INSYN2A: variants seen among roughly 807,000 people sequenced by gnomAD.
INSYN2A encodes the protein inhibitory synaptic factor 2A.
INSYN2A carries 17 observed loss-of-function variants against 39.4 expected under a neutral mutation model. That is an observed-to-expected ratio of 0.43 (90% CI 0.30 to 0.65). The LOEUF (loss-of-function observed/expected upper bound fraction) is 0.65. Among genes scored for constraint, INSYN2A ranks in the 30% least tolerant of loss-of-function variants. The pLI is 0.14. For missense variants in INSYN2A, 595 were observed against 631.2 expected (o/e 0.94, Z 0.61); for synonymous variants, 255 against 265.7 (o/e 0.96, Z 0.39).
At chr10:127,179,204 C>A (rs2055478654) in intron 2 of INSYN2A, among the ~76,000 whole-genome samples, 1 of 152,194 alleles carries the variant, frequency 6.6e-6, no homozygotes, top group South Asian at 2.1e-4. Context: ...AATTTTCTTA[C>A]ATCAGTTGGC....
intron 4 of INSYN2A, among the ~76,000 whole-genome samples, chr10:127,173,348 G>A (rs7916731): frequency 0.68 from 103,713 of 152,048 alleles, 35,647 homozygotes; most frequent in East Asian, 0.86. Flanking sequence ...ACCCAGACAT[G>A]TCTTAGTAAA....
At chr10:127,153,151 G>GC (rs1215712079) in intron 5 of INSYN2A, among the ~76,000 whole-genome samples, 1 of 152,090 alleles carries the variant, frequency 6.6e-6, no homozygotes, top group Admixed American at 6.5e-5. Context: ...ATTTCTCACC[G>GC]CTTTTATATT....
At chr10:127,153,651 G>C (rs959121780) in intron 5 of INSYN2A, among the ~76,000 whole-genome samples, 2 of 152,156 alleles carry the variant, frequency 1.3e-5, no homozygotes, top group Non-Finnish European at 2.9e-5. Context: ...AAGATAAATG[G>C]GTTCAAGCTC....
chr10:127,190,682 C>CCCCCCCCCCCCG (rs1554912109), intron 2 of INSYN2A, among the ~76,000 whole-genome samples: 1 of 43,690 alleles, frequency 2.3e-5, no homozygotes, highest in Non-Finnish European at 4.9e-5. Context: ...CCCCCCCCCC[C>CCCCCCCCCCCCG]CGTTCCTGCT....
At chr10:127,189,869 A>C (rs2134078284) in intron 2 of INSYN2A, among the ~76,000 whole-genome samples, 1 of 150,658 alleles carries the variant, frequency 6.6e-6, no homozygotes, top group African/African-American at 2.5e-5. Context: ...TTGATTTTTA[A>C]AATGATAAAT....
intron 2 of INSYN2A, among the ~76,000 whole-genome samples, chr10:127,184,893 C>T (rs988120163): frequency 6.6e-6 from 1 of 152,204 alleles, no homozygotes; most frequent in Non-Finnish European, 1.5e-5. Flanking sequence ...ACAGTGCATG[C>T]CTGGGGTGAC....
Position 127,175,172 on chromosome 10 carries a change from A to T in INSYN2A, c.1184+40T>A. 1 of 1,530,456 alleles carries T rather than the reference A, an allele frequency of 6.5e-7. No homozygotes were observed. The highest frequency in any genetic ancestry group is 1.2e-5 in the South Asian group (1 of 81,654). The allele number at this position is 1,530,456 out of a possible 1,614,324, so 94.8% of individuals were successfully genotyped here. A position where few individuals can be genotyped will look rare whatever the true frequency, so the allele number is the denominator to read the frequency against. On this transcript the variant is annotated intron_variant, in intron 4 of 5. Coordinates refer to ENST00000522781, the MANE Select transcript of INSYN2A (RefSeq NM_001039762.3). The surrounding 1 kb of genome is among the most constrained non-coding windows in gnomAD (Gnocchi z 6.3). ...GCTACAGATGGACTCTGTGGTGATC[A>T]GCCTGCATAGCTTCCTAAGACATGG...
rs1350188103 is a variant in INSYN2A, at chr10:127,196,395, C to T, written c.-793G>A. ...CGCGCTCCTCCGATGTCCTCATTTA[C>T]TGCAATTGTCTTCGGCGAGATCTCA... On this transcript the variant is annotated 5_prime_UTR_variant, in exon 1 of 6. Transcript: ENST00000522781. Among the ~76,000 whole-genome samples the T allele has an allele frequency of 6.7e-6, 1 of 148,730 alleles. No individual in the cohort carries two copies. The highest frequency in any genetic ancestry group is 1.5e-5 in the Non-Finnish European group (1 of 66,750).
intron 2 of INSYN2A, among the ~76,000 whole-genome samples, chr10:127,178,134 C>T (rs1346073294): frequency 6.6e-6 from 1 of 152,208 alleles, no homozygotes; most frequent in Non-Finnish European, 1.5e-5. Context: ...AAGTAAGTGA[C>T]ATGACTAGCC....
intron 4 of INSYN2A, among the ~76,000 whole-genome samples, chr10:127,173,056 C>T (rs1339348686): frequency 1.3e-5 from 2 of 152,096 alleles, no homozygotes; most frequent in African/African-American, 2.4e-5. Context: ...GCCTGTGTGC[C>T]GGGCATATAG....
At chr10:127,183,583 G>A (rs988735633) in intron 2 of INSYN2A, among the ~76,000 whole-genome samples, 9 of 152,110 alleles carry the variant, frequency 5.9e-5, no homozygotes, top group African/African-American at 2.2e-4. Context: ...AATCCTAACC[G>A]AAGTCTGCAG....
chr10:127,142,598 T>A (rs1488571867), intron 5 of INSYN2A, among the ~76,000 whole-genome samples: 1 of 152,140 alleles, frequency 6.6e-6, no homozygotes, highest in African/African-American at 2.4e-5. Flanking sequence ...ACACAGGCTG[T>A]AGATTTTGCT....
intron 4 of INSYN2A, among the ~76,000 whole-genome samples, chr10:127,161,995 A>G (rs1431750119): frequency 1.3e-5 from 2 of 152,224 alleles, no homozygotes; most frequent in Non-Finnish European, 2.9e-5. Context: ...TTTTCTGCTC[A>G]GGACGTTGAT....
intron 4 of INSYN2A, among the ~76,000 whole-genome samples, chr10:127,159,190 T>A (rs1031405554): frequency 2.0e-5 from 3 of 152,182 alleles, no homozygotes; most frequent in Non-Finnish European, 4.4e-5. Flanking sequence ...GGAGTCCAGT[T>A]TTTGAGTCAT....
At chr10:127,167,587 T>C in intron 4 of INSYN2A, among the ~76,000 whole-genome samples, 1 of 152,194 alleles carries the variant, frequency 6.6e-6, no homozygotes, top group East Asian at 1.9e-4. Context: ...GAATATGTTC[T>C]TGGAGCAGAA....
intron 5 of INSYN2A, among the ~76,000 whole-genome samples, chr10:127,139,668 A>G (rs1189107350): frequency 1.3e-5 from 2 of 152,220 alleles, no homozygotes; most frequent in Non-Finnish European, 2.9e-5. Flanking sequence ...CTAGAAGGAC[A>G]TGGGGTTTCC....
chr10:127,153,214 C>A (rs2052683270), intron 5 of INSYN2A, among the ~76,000 whole-genome samples: 1 of 152,214 alleles, frequency 6.6e-6, no homozygotes, highest in African/African-American at 2.4e-5. Flanking sequence ...GATAGCCATC[C>A]TTCTGAAGGT....
intron 5 of INSYN2A, among the ~76,000 whole-genome samples, chr10:127,141,448 A>G (rs1158055385): frequency 1.3e-5 from 2 of 152,146 alleles, no homozygotes; most frequent in East Asian, 3.9e-4. Flanking sequence ...CATGCCTGTA[A>G]TCCTAGCACT....
At chr10:127,185,468 G>A (rs1334817736) in intron 2 of INSYN2A, among the ~76,000 whole-genome samples, 11 of 152,210 alleles carry the variant, frequency 7.2e-5, no homozygotes, top group Non-Finnish European at 1.3e-4. Flanking sequence ...GGAGGTTGCA[G>A]TGAGCCGAGA....
Sources: allele counts gnomAD v4.1 joint callset (sites outside exome capture counted in the v4.1 genomes callset), GRCh38; gene constraint gnomAD v4.1.1; non-coding constraint Gnocchi (gnomAD v3.1); transcripts MANE v1.5; gene names NCBI Gene and HGNC (gene_info 2026-07-23, HGNC 2026-07-21).